Variants in ATRNL1 observed in about 807,000 individuals in gnomAD.
The protein encoded by ATRNL1 is attractin like 1.
Under a neutral mutation model 182.7 loss-of-function variants are expected in ATRNL1, and 95 were observed. The observed-to-expected ratio is 0.52, with a 90% CI of 0.44 to 0.62. ATRNL1 has a LOEUF of 0.62. Among genes scored for constraint, ATRNL1 ranks in the 20% least tolerant of loss-of-function variants. The pLI, the probability that ATRNL1 is intolerant of heterozygous loss-of-function variation, is 0.00. For synonymous variants in ATRNL1, 576 were observed against 568.3 expected (o/e 1.01, Z -0.19); for missense variants, 1,471 against 1,679.5 (o/e 0.88, Z 2.17).
intron 17 of ATRNL1, among the ~76,000 whole-genome samples, chr10:115,310,717 C>T (rs1554927519): frequency 6.6e-6 from 1 of 152,116 alleles, no homozygotes; most frequent in African/African-American, 2.4e-5. Context: ...TTTGAATCCT[C>T]TTCTTTGTTA....
At chr10:115,937,450 A>G (rs1278254332) in intron 28 of ATRNL1, among the ~76,000 whole-genome samples, 1 of 152,206 alleles carries the variant, frequency 6.6e-6, no homozygotes, top group Non-Finnish European at 1.5e-5. Flanking sequence ...TTGTTCAACA[A>G]TGTAACCTTT....
At chr10:115,559,414 T>TGTGTGTGTGTGTGTGTG (rs1853530217) in intron 26 of ATRNL1, among the ~76,000 whole-genome samples, 9 of 147,560 alleles carry the variant, frequency 6.1e-5, no homozygotes, top group Admixed American at 5.4e-4. Flanking sequence ...TTCTTGGTGT[T>TGTGTGTGTGTGTGTGTG]TGTGTGTGTG....
At chr10:115,561,939 A>G (rs1853779140) in intron 26 of ATRNL1, among the ~76,000 whole-genome samples, 1 of 152,122 alleles carries the variant, frequency 6.6e-6, no homozygotes, top group Non-Finnish European at 1.5e-5. Context: ...AATATTTAAA[A>G]CTGACACTTT....
At position 115,252,006 on chromosome 10, in the gene ATRNL1, C is replaced by T. The variant is rs117803209; in HGVS notation, c.1687+10281C>T. Among the ~76,000 whole-genome samples the T allele has an allele frequency of 9.7e-4, 148 of 152,198 alleles. 4 individuals are homozygous for T. In the East Asian group the frequency reaches 0.023, roughly 24 times the overall value. ...CCCACCTCCTGCCAACATGTGCTGT[C>T]TAGCTGTCTAGGTTTGTTGTTGTTG... On this transcript the variant is annotated intron_variant, in intron 10 of 28. Transcript: ENST00000355044.
intron 28 of ATRNL1, among the ~76,000 whole-genome samples, chr10:115,852,592 G>A (rs1223369367): frequency 6.6e-6 from 1 of 152,122 alleles, no homozygotes; most frequent in Admixed American, 6.5e-5. Flanking sequence ...CTTTCCCAGG[G>A]TAAATGCAGC....
At chr10:115,885,052 A>C (rs1351540591) in intron 28 of ATRNL1, among the ~76,000 whole-genome samples, 1 of 152,220 alleles carries the variant, frequency 6.6e-6, no homozygotes, top group Non-Finnish European at 1.5e-5. Flanking sequence ...CACTTTAGAG[A>C]ATAGAAATTA....
intron 27 of ATRNL1, among the ~76,000 whole-genome samples, chr10:115,826,038 A>G (rs1950423690): frequency 6.6e-6 from 1 of 152,212 alleles, no homozygotes. Context: ...ATTTAGTGTC[A>G]TACATCTTGA....
intron 25 of ATRNL1, among the ~76,000 whole-genome samples, chr10:115,528,688 T>C (rs1180221820): frequency 2.0e-5 from 3 of 152,104 alleles, no homozygotes; most frequent in African/African-American, 7.2e-5. Context: ...ATTTAGTTTG[T>C]TCTTTTTCTA....
chr10:115,848,078 A>G, intron 28 of ATRNL1, 87 bp downstream of exon 28: 1 of 759,768 alleles, frequency 1.3e-6, no homozygotes, highest in Non-Finnish European at 2.3e-6. Context: ...TAGCGCAGTA[A>G]GGACCTTTGC....
intron 7 of ATRNL1, 21 bp downstream of exon 7, chr10:115,165,666 A>G: frequency 7.1e-7 from 1 of 1,407,022 alleles, no homozygotes; most frequent in Non-Finnish European, 9.6e-7. Context: ...TGCTTTTTAA[A>G]TTTTAATCAG....
intron 9 of ATRNL1, among the ~76,000 whole-genome samples, chr10:115,238,455 G>T (rs1412964421): frequency 1.3e-5 from 2 of 151,962 alleles, no homozygotes; most frequent in Admixed American, 1.3e-4. Flanking sequence ...TACCAGTCTT[G>T]TACATATTTT....
At chr10:115,445,936 C>A (rs2134463527) in intron 21 of ATRNL1, among the ~76,000 whole-genome samples, 1 of 89,764 alleles carries the variant, frequency 1.1e-5, no homozygotes, top group African/African-American at 4.3e-5. Flanking sequence ...TACTTTATTT[C>A]TTTTTATGAC....
At chr10:115,635,989 G>A (rs765990352) in intron 26 of ATRNL1, among the ~76,000 whole-genome samples, 1 of 152,138 alleles carries the variant, frequency 6.6e-6, no homozygotes, top group African/African-American at 2.4e-5. Context: ...GCTTCCCCAT[G>A]TGAGGAGTGG....
intron 26 of ATRNL1, among the ~76,000 whole-genome samples, chr10:115,611,054 C>CTTTTTT (rs3086300): frequency 0.45 from 66,205 of 146,524 alleles, 16,190 homozygotes; most frequent in East Asian, 0.82. Flanking sequence ...TTTCAAAGGA[C>CTTTTTT]TTTTTTTTTT....
intron 8 of ATRNL1, among the ~76,000 whole-genome samples, chr10:115,212,420 A>G (rs976215869): frequency 2.0e-5 from 3 of 151,950 alleles, no homozygotes; most frequent in African/African-American, 4.8e-5. Context: ...TAGTTCAACC[A>G]TTGTGGAAGA....
intron 26 of ATRNL1, among the ~76,000 whole-genome samples, chr10:115,725,516 T>C (rs1555059706): frequency 6.6e-6 from 1 of 152,188 alleles, no homozygotes; most frequent in Non-Finnish European, 1.5e-5. Context: ...TCATATGAGA[T>C]GCCGTTTATA....
intron 8 of ATRNL1, among the ~76,000 whole-genome samples, chr10:115,209,084 A>G (rs1848916124): frequency 6.6e-6 from 1 of 152,006 alleles, no homozygotes; most frequent in African/African-American, 2.4e-5. Flanking sequence ...TTAGGCCATG[A>G]TGGAGTAATT....
At chr10:115,406,189 A>G (rs912727008) in intron 20 of ATRNL1, among the ~76,000 whole-genome samples, 1 of 152,052 alleles carries the variant, frequency 6.6e-6, no homozygotes, top group African/African-American at 2.4e-5. Flanking sequence ...ATGATTTATA[A>G]TCCTTTGGGT....
At chr10:115,306,681 T>C (rs1350164028) in intron 17 of ATRNL1, among the ~76,000 whole-genome samples, 5 of 152,184 alleles carry the variant, frequency 3.3e-5, no homozygotes, top group African/African-American at 1.2e-4. Context: ...GTTGCAAATA[T>C]TAAAATAGTT....
Sources: allele counts gnomAD v4.1 joint callset (sites outside exome capture counted in the v4.1 genomes callset), GRCh38; gene constraint gnomAD v4.1.1; transcripts MANE v1.5; gene names NCBI Gene and HGNC (gene_info 2026-07-23, HGNC 2026-07-21).